Variants in KCNMA1 observed in about 807,000 individuals in gnomAD.
KCNMA1 encodes potassium calcium-activated channel subfamily M alpha 1.
In KCNMA1, 29 loss-of-function variants were observed where a neutral mutation model predicts 140.0. The observed-to-expected ratio is 0.21, with a 90% CI of 0.15 to 0.28. KCNMA1 has a LOEUF of 0.28. Among genes scored for constraint, KCNMA1 ranks in the 10% least tolerant of loss-of-function variants. The pLI, the probability that KCNMA1 is intolerant of heterozygous loss-of-function variation, is 1.00. For missense variants in KCNMA1, 880 were observed against 1,602.2 expected, an observed-to-expected ratio of 0.55 and a Z score of 7.70; for synonymous variants, 612 against 611.9, an observed-to-expected ratio of 1.00 and a Z score of 0.00.
chr10:76,923,184 C>T (rs563031731), intron 23 of KCNMA1, among the ~76,000 whole-genome samples: 2 of 152,220 alleles, frequency 1.3e-5, no homozygotes, highest in East Asian at 1.9e-4. Flanking sequence ...TAGTTATTTG[C>T]CCATTAAGAT....
intron 5 of KCNMA1, among the ~76,000 whole-genome samples, chr10:77,163,589 A>G (rs2098597217): frequency 6.6e-6 from 1 of 152,120 alleles, no homozygotes; most frequent in Non-Finnish European, 1.5e-5. Context: ...CCTTGATGGA[A>G]CTCACAGTCT....
chr10:77,492,272 AG>A (rs1255966539), intron 1 of KCNMA1, among the ~76,000 whole-genome samples: 4 of 152,154 alleles, frequency 2.6e-5, no homozygotes, highest in Non-Finnish European at 4.4e-5. Context: ...CCTCTGCTCA[AG>A]CTGACCTCTC....
chr10:77,064,831 C>A (rs2095870761), intron 14 of KCNMA1, among the ~76,000 whole-genome samples: 1 of 152,132 alleles, frequency 6.6e-6, no homozygotes. Flanking sequence ...GATTTGTGAA[C>A]TTAAACAACA....
chr10:76,964,823 G>A (rs540658675), intron 20 of KCNMA1, among the ~76,000 whole-genome samples: 4 of 152,258 alleles, frequency 2.6e-5, no homozygotes, highest in South Asian at 2.1e-4. Context: ...ATGCCCAAGA[G>A]GATAATCTGT....
intron 15 of KCNMA1, among the ~76,000 whole-genome samples, chr10:77,028,203 C>A (rs757237238): frequency 4.6e-5 from 7 of 152,112 alleles, no homozygotes; most frequent in South Asian, 2.1e-4. Context: ...ATTAGTTACT[C>A]GGTCGGGTAG....
At chr10:77,363,746 T>C (rs1603418916) in intron 2 of KCNMA1, among the ~76,000 whole-genome samples, 1 of 152,146 alleles carries the variant, frequency 6.6e-6, no homozygotes, top group Non-Finnish European at 1.5e-5. Flanking sequence ...TAGTGAGACA[T>C]ACACTCCTCC....
intron 1 of KCNMA1, among the ~76,000 whole-genome samples, chr10:77,555,867 T>C (rs945605872): frequency 8.6e-6 from 1 of 116,570 alleles, no homozygotes; most frequent in Non-Finnish European, 1.8e-5. Flanking sequence ...TTTCTGGTTC[T>C]GTGCTGGAAT....
intron 1 of KCNMA1, among the ~76,000 whole-genome samples, chr10:77,607,162 G>T (rs2084855295): frequency 6.6e-6 from 1 of 152,246 alleles, no homozygotes; most frequent in East Asian, 1.9e-4. Context: ...GGTCTGAGTA[G>T]GATGATTTGA....
At chr10:77,520,024 A>G (rs1328301336) in intron 1 of KCNMA1, among the ~76,000 whole-genome samples, 13 of 63,020 alleles carry the variant, frequency 2.1e-4, no homozygotes, top group Non-Finnish European at 4.0e-4. Flanking sequence ...GGGCTGGGGT[A>G]TGCAGTGTGA....
intron 1 of KCNMA1, among the ~76,000 whole-genome samples, chr10:77,586,755 T>C (rs1032766856): frequency 3.7e-4 from 57 of 152,220 alleles, no homozygotes; most frequent in African/African-American, 1.0e-3. Flanking sequence ...GGAGTACTTA[T>C]TTGTCAAAGC....
chr10:77,453,630 A>G (rs1166983158), intron 1 of KCNMA1, among the ~76,000 whole-genome samples: 3 of 152,184 alleles, frequency 2.0e-5, no homozygotes, highest in African/African-American at 7.2e-5. Context: ...AGCAGGGCCC[A>G]GATGTCTCCC....
rs926006948 is a variant in KCNMA1, at chr10:77,251,229, C to T, written c.568G>A (p.Gly190Ser). The T allele has an allele frequency of 6.2e-7, 1 of 1,612,354 alleles. No homozygotes were observed. Residue 190 changes from glycine (G) to serine (S), a missense_variant, in exon 3 of 28, where the codon GGT (glycine) becomes AGT (serine). Physicochemically the swap from Gly to Ser is moderately conservative, Grantham distance 56. Transcript: ENST00000286628. ...TCTATGAAGTATATTACAAGTGCAC[C>T]GATGCTGAGAGCAAAGACTAAGACA... The part of the protein sequence containing the change: ...LVVLVFALSI[G>S]ALVIYFIDSS...
At chr10:77,131,654 A>G (rs1233625507) in intron 5 of KCNMA1, among the ~76,000 whole-genome samples, 1 of 151,734 alleles carries the variant, frequency 6.6e-6, no homozygotes, top group Non-Finnish European at 1.5e-5. Context: ...TCTCAAATGC[A>G]TTCTCTTCGT....
chr10:77,045,064 G>A (rs1231061363), intron 14 of KCNMA1, among the ~76,000 whole-genome samples: 8 of 152,276 alleles, frequency 5.3e-5, no homozygotes, highest in African/African-American at 1.9e-4. Flanking sequence ...GGCGGTTCAA[G>A]CCTCCTCTCA....
At chr10:77,617,992 G>A (rs1399381274) in intron 1 of KCNMA1, among the ~76,000 whole-genome samples, 1 of 152,154 alleles carries the variant, frequency 6.6e-6, no homozygotes, top group African/African-American at 2.4e-5. Context: ...AATACCATGT[G>A]ATCAAGTTCT....
chr10:77,325,689 T>C lies in KCNMA1; in HGVS notation c.541-74433A>G, dbSNP rs139577725. Among the ~76,000 whole-genome samples, 230 of 152,304 alleles carry C rather than the reference T, an allele frequency of 1.5e-3. No homozygotes were observed. The Middle Eastern group carries it at 0.02, about 14-fold the overall frequency. On this transcript the variant is annotated intron_variant, in intron 2 of 27. Transcript: ENST00000286628. Reference sequence around the variant, plus strand: ...TTCTCATGATCGCTTCTTTCTGCCTTATCTCTGCATTGACATTGACACTGT... The same window carrying C: ...TTCTCATGATCGCTTCTTTCTGCCTCATCTCTGCATTGACATTGACACTGT...
At chr10:77,497,741 C>A (rs1417387636) in intron 1 of KCNMA1, among the ~76,000 whole-genome samples, 1 of 152,220 alleles carries the variant, frequency 6.6e-6, no homozygotes, top group Non-Finnish European at 1.5e-5. Flanking sequence ...CCAGTGCTCC[C>A]AGTCCTCTTC....
At chr10:77,476,900 T>C (rs2098291877) in intron 1 of KCNMA1, among the ~76,000 whole-genome samples, 4 of 152,200 alleles carry the variant, frequency 2.6e-5, no homozygotes, top group East Asian at 1.9e-4. Context: ...GCACTTGAGA[T>C]TGGAGAGGAA....
At chr10:76,991,426 T>G (rs1232219059) in intron 19 of KCNMA1, among the ~76,000 whole-genome samples, 1 of 152,240 alleles carries the variant, frequency 6.6e-6, no homozygotes, top group Admixed American at 6.5e-5. Flanking sequence ...TTGATCATTT[T>G]CTAGTTCCTT....
Sources: gnomAD v4.1 joint callset for allele counts (sites outside exome capture counted in the v4.1 genomes callset) on GRCh38, gnomAD v4.1.1 for gene constraint, MANE v1.5 for transcripts, NCBI Gene and HGNC (gene_info 2026-07-23, HGNC 2026-07-21) for gene names.